Variants in TTLL11 observed in about 807,000 individuals in gnomAD.
The protein encoded by TTLL11 is tubulin polyglutamylase TTLL11.
In TTLL11, 42 loss-of-function variants were observed where a neutral mutation model predicts 51.7. The ratio of observed to expected loss-of-function variants is 0.81; its 90% CI spans 0.64 to 1.05. The LOEUF (loss-of-function observed/expected upper bound fraction) is 1.05, where lower values mean the gene tolerates loss of function less well. Ranked by LOEUF, TTLL11 falls within the 50% of genes least tolerant of loss-of-function variation. TTLL11 has a pLI of 0.00. For synonymous variants in TTLL11, 381 were observed against 383.5 expected, an observed-to-expected ratio of 0.99 and a Z score of 0.08; for missense variants, 799 against 940.4, an observed-to-expected ratio of 0.85 and a Z score of 1.97.
intron 8 of TTLL11, among the ~76,000 whole-genome samples, chr9:121,831,365 C>T (rs1481526972): frequency 6.6e-6 from 1 of 152,186 alleles, no homozygotes. Context: ...ACTTGGCCAT[C>T]TCTTGAAGGG....
chr9:121,931,996 G>A (rs955536256), intron 6 of TTLL11, among the ~76,000 whole-genome samples: 2 of 152,152 alleles, frequency 1.3e-5, no homozygotes, highest in Admixed American at 6.5e-5. Flanking sequence ...GTCCTCCCCA[G>A]GTTCTTCAAT....
intron 6 of TTLL11, among the ~76,000 whole-genome samples, chr9:121,969,516 A>T (rs917211528): frequency 1.3e-5 from 2 of 151,938 alleles, no homozygotes; most frequent in African/African-American, 4.8e-5. Context: ...GTCTGGGGAG[A>T]TGAGGAGTTT....
At chr9:122,018,437 A>T (rs963586088) in intron 3 of TTLL11, among the ~76,000 whole-genome samples, 1 of 152,190 alleles carries the variant, frequency 6.6e-6, no homozygotes, top group African/African-American at 2.4e-5. Context: ...TTCTTAAAAA[A>T]TCAGGTTTGC....
chr9:121,938,059 G>A (rs961938184), intron 6 of TTLL11, among the ~76,000 whole-genome samples: 20 of 152,090 alleles, frequency 1.3e-4, no homozygotes, highest in Admixed American at 7.9e-4. Flanking sequence ...GGAGACCAAG[G>A]CGGGTGGATC....
chr9:122,090,194 G>GTAGATCA (rs1846223218), intron 1 of TTLL11, among the ~76,000 whole-genome samples: 1 of 152,086 alleles, frequency 6.6e-6, no homozygotes. Context: ...GAAGTAGAAA[G>GTAGATCA]ACTGGAAACT....
intron 6 of TTLL11, among the ~76,000 whole-genome samples, chr9:121,922,670 T>C (rs1278307876): frequency 2.6e-5 from 4 of 152,010 alleles, no homozygotes; most frequent in African/African-American, 9.7e-5. Context: ...ACCATGATAA[T>C]GAGAGAGTAT....
intron 1 of TTLL11, among the ~76,000 whole-genome samples, chr9:122,080,997 C>T (rs770720066): frequency 3.9e-5 from 6 of 152,072 alleles, no homozygotes; most frequent in Non-Finnish European, 5.9e-5. Flanking sequence ...AATGCTTCAA[C>T]GTGAAAGCAG....
intron 8 of TTLL11, among the ~76,000 whole-genome samples, chr9:121,826,518 T>TAC (rs1564260456): frequency 2.8e-4 from 17 of 61,640 alleles, no homozygotes; most frequent in African/African-American, 1.1e-3. Context: ...TATATATGTA[T>TAC]ATATATATAT....
chr9:121,940,846 A>C (rs868750918), intron 6 of TTLL11, among the ~76,000 whole-genome samples: 1 of 152,210 alleles, frequency 6.6e-6, no homozygotes, highest in African/African-American at 2.4e-5. Context: ...TAGATTACTA[A>C]CTTCTTAAGG....
chr9:121,903,042 C>A (rs368397087), intron 6 of TTLL11, among the ~76,000 whole-genome samples: 1 of 152,104 alleles, frequency 6.6e-6, no homozygotes, highest in East Asian at 1.9e-4. Context: ...ATTTCCTTAT[C>A]CAGAAGTTCA....
At position 121,989,617 on chromosome 9, in the gene TTLL11, C is replaced by T. The variant is rs1843047397; in HGVS notation, c.847G>A (p.Glu283Lys). 6.2e-6 allele frequency: 10 copies of T among 1,614,086 alleles called. No homozygotes were observed. Among genetic ancestry groups the T allele is most frequent in the Non-Finnish European group, 8.5e-6 (10 of 1,180,040 alleles). The change falls in exon 4 of 9, where the codon GAG becomes AAG. Residue 283 changes from glutamate to lysine, a missense_variant. Glu to Lys is a moderately conservative substitution (Grantham distance 56, BLOSUM62 1). Around this residue, in one of 3 missense-constraint regions of TTLL11, gnomAD observed 468 missense variants for 612.8 expected, o/e 0.76. Coordinates refer to ENST00000321582, the MANE Select transcript of TTLL11 (RefSeq NM_001139442.2). The surrounding 1 kb of genome is among the most constrained non-coding windows in gnomAD (Gnocchi z 4.2). ...TLQSRPAVVQEYICKPLLIDK... is the reference protein window; with the variant it reads ...TLQSRPAVVQKYICKPLLIDK... ...ATAAGGAGAGGTTTGCAGATGTACT[C>T]CTGGACCACCGCTGGCCTGCTCTGG...
intron 3 of TTLL11, among the ~76,000 whole-genome samples, chr9:122,016,171 G>C (rs1040060443): frequency 3.9e-5 from 6 of 152,228 alleles, no homozygotes; most frequent in African/African-American, 1.4e-4. Context: ...CAGCAGCTTG[G>C]AAGTGGCAGT....
chr9:121,983,223 G>T (rs1842864216), intron 4 of TTLL11, among the ~76,000 whole-genome samples: 1 of 152,236 alleles, frequency 6.6e-6, no homozygotes, highest in South Asian at 2.1e-4. Flanking sequence ...CTGAGTGACT[G>T]ACTGAATGCC....
chr9:121,892,936 G>A (rs10985433), intron 6 of TTLL11, among the ~76,000 whole-genome samples: 75,620 of 151,826 alleles, frequency 0.5, 18,928 homozygotes, highest in Middle Eastern at 0.59. Flanking sequence ...TTGGAAGTGA[G>A]CCCAGAACTC....
intron 3 of TTLL11, among the ~76,000 whole-genome samples, chr9:121,994,308 G>A (rs933952161): frequency 2.6e-5 from 4 of 152,170 alleles, no homozygotes; most frequent in Non-Finnish European, 5.9e-5. Flanking sequence ...AACATAAGAG[G>A]TGGAGGGGGT....
intron 3 of TTLL11, among the ~76,000 whole-genome samples, chr9:122,026,023 C>T (rs1844323147): frequency 6.6e-6 from 1 of 152,054 alleles, no homozygotes; most frequent in African/African-American, 2.4e-5. Context: ...CCAGACCTCC[C>T]CCGAAAAAGG....
intron 6 of TTLL11, among the ~76,000 whole-genome samples, chr9:121,933,648 A>C (rs1841080156): frequency 6.6e-6 from 1 of 152,246 alleles, no homozygotes; most frequent in Non-Finnish European, 1.5e-5. Context: ...TGTTAATGCA[A>C]ATAATGTATT....
chr9:121,998,749 G>T (rs763657238), intron 3 of TTLL11, among the ~76,000 whole-genome samples: 1 of 152,122 alleles, frequency 6.6e-6, no homozygotes, highest in African/African-American at 2.4e-5. Flanking sequence ...CACTAGGCAC[G>T]TCAATATGTA....
At chr9:122,079,551 T>C (rs540753992) in intron 1 of TTLL11, among the ~76,000 whole-genome samples, 3 of 151,452 alleles carry the variant, frequency 2.0e-5, no homozygotes, top group Non-Finnish European at 4.4e-5. Flanking sequence ...CTACTAAAAA[T>C]ACAAAAAATT....
Sources: gnomAD v4.1 joint callset for allele counts (sites outside exome capture counted in the v4.1 genomes callset) on GRCh38, gnomAD v4.1.1 for gene constraint, gnomAD v4.1.1 regional missense constraint, Gnocchi (gnomAD v3.1) non-coding constraint, MANE v1.5 for transcripts, NCBI Gene and HGNC (gene_info 2026-07-23, HGNC 2026-07-21) for gene names.